DGKB: variants seen among roughly 807,000 people sequenced by gnomAD.
DGKB encodes diacylglycerol kinase beta, also known as 90 kDa diacylglycerol kinase.
A neutral mutation model predicts 114.3 loss-of-function variants in DGKB; 67 were observed. The observed-to-expected ratio is 0.59, with a 90% CI of 0.48 to 0.72. The LOEUF (loss-of-function observed/expected upper bound fraction) is 0.72, where lower values mean the gene tolerates loss of function less well. Among genes scored for constraint, DGKB ranks in the 30% least tolerant of loss-of-function variants. The pLI is 0.00. For missense variants in DGKB, 907 were observed against 975.2 expected, an observed-to-expected ratio of 0.93 and a Z score of 0.93; for synonymous variants, 398 against 323.1, an observed-to-expected ratio of 1.23 and a Z score of -2.49.
At chr7:14,574,783 C>A (rs1409862917) in intron 19 of DGKB, among the ~76,000 whole-genome samples, 7 of 152,184 alleles carry the variant, frequency 4.6e-5, no homozygotes, top group East Asian at 3.9e-4. Context: ...ACATTTTAGA[C>A]TTTTCCCTTT....
At chr7:14,693,252 T>C (rs971389189) in intron 9 of DGKB, among the ~76,000 whole-genome samples, 1 of 152,162 alleles carries the variant, frequency 6.6e-6, no homozygotes. Context: ...TGTTATTCTA[T>C]ACATAGTATA....
At chr7:14,235,477 A>G (rs544020732) in intron 23 of DGKB, among the ~76,000 whole-genome samples, 1 of 152,206 alleles carries the variant, frequency 6.6e-6, no homozygotes, top group African/African-American at 2.4e-5. Context: ...ATTTCAGAAT[A>G]CAAGAGTGGA....
At chr7:14,799,155 T>C (rs1441555434) in intron 2 of DGKB, among the ~76,000 whole-genome samples, 2 of 152,220 alleles carry the variant, frequency 1.3e-5, no homozygotes, top group Non-Finnish European at 2.9e-5. Context: ...GTTTTAATGC[T>C]TGAGCAAATT....
chr7:14,757,549 T>C, intron 3 of DGKB, 106 bp downstream of exon 3: 2 of 635,040 alleles, frequency 3.1e-6, no homozygotes, highest in South Asian at 3.9e-5. Flanking sequence ...TATGTGTACA[T>C]ATACATACAC....
chr7:14,792,633 A>T (rs770399448), intron 2 of DGKB, among the ~76,000 whole-genome samples: 3 of 152,184 alleles, frequency 2.0e-5, no homozygotes, highest in Non-Finnish European at 4.4e-5. Flanking sequence ...ACTAAACCAA[A>T]CAAAAAAATA....
chr7:14,866,964 A>G lies in DGKB; in HGVS notation c.-187-25514T>C, dbSNP rs183100172. Among the ~76,000 whole-genome samples, 358 of 152,256 alleles carry G rather than the reference A, an allele frequency of 2.4e-3. 1 individual carries two copies. Among genetic ancestry groups the G allele is most frequent in the Non-Finnish European group, 3.7e-3 (253 of 68,012 alleles). On this transcript the variant is annotated intron_variant, in intron 1 of 25. Transcript: ENST00000402815. Reference sequence around the variant, plus strand: ...AATATCTCACTGATGTTTAATTTGCATTTCACTGATTACATATGAGGTAGA... The same window carrying G: ...AATATCTCACTGATGTTTAATTTGCGTTTCACTGATTACATATGAGGTAGA...
intron 19 of DGKB, among the ~76,000 whole-genome samples, chr7:14,580,570 C>G (rs114186090): frequency 0.024 from 3,595 of 152,138 alleles, 156 homozygotes; most frequent in African/African-American, 0.082. Context: ...CCATGTGTAC[C>G]TTATTTTCTA....
intron 17 of DGKB, among the ~76,000 whole-genome samples, chr7:14,601,038 A>C (rs1525083): frequency 0.66 from 100,509 of 152,078 alleles, 33,779 homozygotes; most frequent in African/African-American, 0.75. Flanking sequence ...TGGGGATCTC[A>C]AGGACCTCTC....
intron 13 of DGKB, among the ~76,000 whole-genome samples, chr7:14,630,488 T>C (rs571937886): frequency 2.7e-4 from 41 of 152,200 alleles, no homozygotes; most frequent in African/African-American, 9.1e-4. Context: ...GTGAAATTAT[T>C]TATCCAAAAC....
At position 14,606,601 on chromosome 7, in the gene DGKB, A is replaced by ATTT. The variant is rs1804554084; in HGVS notation, c.1433+832_1433+833insAAA. Among the ~76,000 whole-genome samples, 5 of 135,418 alleles carry ATTT rather than the reference A, an allele frequency of 3.7e-5. No homozygotes were observed. In the South Asian group the frequency reaches 6.4e-4, roughly 17 times the overall value. 88.8% of individuals were successfully genotyped at this position (135,418 alleles called of 152,430 possible). A position where few individuals can be genotyped will look rare whatever the true frequency, so the allele number is the denominator to read the frequency against. On this transcript the variant is annotated intron_variant, in intron 17 of 25. Coordinates refer to ENST00000402815, the MANE Select transcript of DGKB (RefSeq NM_001350709.2). ...TTTTAAATCAACTGCCTTTTTTTTA[A>ATTT]AAAAAAAAAATGAAGCATGCATAAA...
At chr7:14,830,586 A>G (rs1474498934) in intron 2 of DGKB, among the ~76,000 whole-genome samples, 1 of 152,044 alleles carries the variant, frequency 6.6e-6, no homozygotes, top group Admixed American at 6.6e-5. Context: ...ATGTTTCAAG[A>G]GACAATGGAT....
intron 25 of DGKB, among the ~76,000 whole-genome samples, chr7:14,170,285 G>T: frequency 6.6e-6 from 1 of 152,138 alleles, no homozygotes; most frequent in East Asian, 1.9e-4. Flanking sequence ...GCCTATTTCT[G>T]CCTTTTGCTG....
intron 23 of DGKB, among the ~76,000 whole-genome samples, chr7:14,324,819 A>G (rs1808440453): frequency 1.1e-5 from 1 of 89,384 alleles, no homozygotes. Context: ...GAGAGTTGCA[A>G]GTGTCCTGCA....
chr7:14,660,727 A>G (rs928003708), intron 13 of DGKB, among the ~76,000 whole-genome samples: 7 of 152,098 alleles, frequency 4.6e-5, no homozygotes, highest in African/African-American at 1.7e-4. Context: ...TGGAACCAAA[A>G]AAGAGCCCGC....
At chr7:14,445,407 A>G (rs1312008396) in intron 21 of DGKB, among the ~76,000 whole-genome samples, 2 of 151,938 alleles carry the variant, frequency 1.3e-5, no homozygotes, top group African/African-American at 2.4e-5. Flanking sequence ...AAAAAATCCA[A>G]ATAGAACTAT....
intron 13 of DGKB, among the ~76,000 whole-genome samples, chr7:14,660,052 T>C (rs1279363351): frequency 2.0e-5 from 3 of 151,340 alleles, no homozygotes; most frequent in Non-Finnish European, 4.4e-5. Context: ...TTTGCGTGTA[T>C]TGAACCAGCC....
intron 1 of DGKB, among the ~76,000 whole-genome samples, chr7:14,926,068 C>T (rs149836053): frequency 1.4e-4 from 21 of 152,070 alleles, no homozygotes; most frequent in African/African-American, 4.8e-4. Flanking sequence ...AAGAAAAATC[C>T]TATAATCCTA....
intron 20 of DGKB, among the ~76,000 whole-genome samples, chr7:14,504,538 A>G (rs1292617755): frequency 6.6e-6 from 1 of 152,168 alleles, no homozygotes; most frequent in East Asian, 1.9e-4. Context: ...GATTCACAGA[A>G]TGTCATTCAT....
At chr7:14,894,269 G>A (rs1417345074) in intron 1 of DGKB, among the ~76,000 whole-genome samples, 2 of 151,438 alleles carry the variant, frequency 1.3e-5, no homozygotes, top group East Asian at 3.9e-4. Flanking sequence ...ATACGTATTA[G>A]CATTCCTCAA....
Sources: allele counts gnomAD v4.1 joint callset (sites outside exome capture counted in the v4.1 genomes callset), GRCh38; gene constraint gnomAD v4.1.1; transcripts MANE v1.5; gene names NCBI Gene and HGNC (gene_info 2026-07-23, HGNC 2026-07-21).